Variants in MAGI2 observed in about 807,000 individuals in gnomAD.
MAGI2 encodes the protein membrane-associated guanylate kinase, WW and PDZ domain-containing protein 2.
In MAGI2, 35 loss-of-function variants were observed where a neutral mutation model predicts 133.3. The observed-to-expected ratio is 0.26, with a 90% CI of 0.20 to 0.35. The LOEUF (loss-of-function observed/expected upper bound fraction) is 0.35. MAGI2 is among the 10% of genes least tolerant of loss of function. MAGI2 has a pLI of 1.00. For synonymous variants in MAGI2, 729 were observed against 710.6 expected (o/e 1.03, Z -0.41); for missense variants, 1,636 against 1,863.4 (o/e 0.88, Z 2.25).
intron 6 of MAGI2, among the ~76,000 whole-genome samples, chr7:78,469,542 G>A (rs1790976389): frequency 6.6e-6 from 1 of 152,086 alleles, no homozygotes; most frequent in African/African-American, 2.4e-5. Context: ...TTCTCTCTTT[G>A]GGATTAGCCC....
intron 1 of MAGI2, among the ~76,000 whole-genome samples, chr7:79,201,747 G>A (rs1020494895): frequency 6.6e-6 from 1 of 151,782 alleles, no homozygotes; most frequent in Non-Finnish European, 1.5e-5. Context: ...GGAAAATGAG[G>A]TTTTACTATT....
intron 21 of MAGI2, among the ~76,000 whole-genome samples, chr7:78,029,337 A>G (rs1046120944): frequency 2.6e-5 from 4 of 152,238 alleles, no homozygotes; most frequent in Non-Finnish European, 4.4e-5. Context: ...TAGAGAATCT[A>G]TGAGAAATGT....
intron 1 of MAGI2, among the ~76,000 whole-genome samples, chr7:79,016,270 A>G (rs1341134070): frequency 6.6e-6 from 1 of 152,052 alleles, no homozygotes. Context: ...AAACTGTTGG[A>G]CCTGAACATT....
chr7:78,201,319 T>C (rs956724482), intron 10 of MAGI2, 126 bp from the exon 11 acceptor site: 13 of 496,280 alleles, frequency 2.6e-5, no homozygotes, highest in Non-Finnish European at 3.9e-5. Context: ...CAAAAACTTC[T>C]GCCTGGCTGT....
intron 2 of MAGI2, among the ~76,000 whole-genome samples, chr7:78,766,143 T>C (rs886472): frequency 0.88 from 134,182 of 152,214 alleles, 59,224 homozygotes; most frequent in East Asian, 1. Context: ...CAGAGAAAGC[T>C]CTCATCCCTG....
intron 21 of MAGI2, among the ~76,000 whole-genome samples, chr7:78,029,234 C>T (rs1302257419): frequency 1.3e-5 from 2 of 152,130 alleles, no homozygotes; most frequent in Non-Finnish European, 2.9e-5. Context: ...GGTTAGGAAA[C>T]TCAGGTCTAT....
chr7:78,666,915 C>T (rs187831812), intron 2 of MAGI2, among the ~76,000 whole-genome samples: 81 of 152,212 alleles, frequency 5.3e-4, no homozygotes, highest in Admixed American at 1.4e-3. Context: ...CACTGGATTG[C>T]CATTCTTTAT....
chr7:78,410,860 A>AAT (rs1165742381), intron 6 of MAGI2, among the ~76,000 whole-genome samples: 2 of 151,998 alleles, frequency 1.3e-5, no homozygotes, highest in African/African-American at 2.4e-5. Flanking sequence ...AAGGGAATAT[A>AAT]ATATATATAA....
At chr7:79,387,013 G>A (rs199898704) in intron 1 of MAGI2, among the ~76,000 whole-genome samples, 2 of 40,302 alleles carry the variant, frequency 5.0e-5, no homozygotes, top group East Asian at 1.1e-3. Flanking sequence ...ACACACACAC[G>A]TTATATATAA....
chr7:78,945,407 T>C (rs1305972894), intron 2 of MAGI2, among the ~76,000 whole-genome samples: 1 of 152,156 alleles, frequency 6.6e-6, no homozygotes, highest in East Asian at 1.9e-4. Context: ...TCTTATAATG[T>C]ACAAAATAAT....
At chr7:79,166,480 CT>C (rs2129548161) in intron 1 of MAGI2, among the ~76,000 whole-genome samples, 1 of 152,206 alleles carries the variant, frequency 6.6e-6, no homozygotes, top group African/African-American at 2.4e-5. Context: ...TGATTTCAGC[CT>C]GATGAGACCC....
chr7:79,021,983 G>A (rs117699017), intron 1 of MAGI2, among the ~76,000 whole-genome samples: 211 of 152,202 alleles, frequency 1.4e-3, no homozygotes, highest in Middle Eastern at 3.4e-3. Context: ...AAGATCTGAT[G>A]GCTTCATAAG....
chr7:78,596,209 A>G (rs1563219744), intron 3 of MAGI2, among the ~76,000 whole-genome samples: 1 of 102,980 alleles, frequency 9.7e-6, no homozygotes, highest in Non-Finnish European at 2.2e-5. Flanking sequence ...GGAAGGAATG[A>G]AGGAAGGGAG....
At chr7:78,249,144 A>T (rs1168337353) in intron 10 of MAGI2, among the ~76,000 whole-genome samples, 1 of 152,182 alleles carries the variant, frequency 6.6e-6, no homozygotes, top group Non-Finnish European at 1.5e-5. Context: ...AGGGAAATAC[A>T]AATCAAAACC....
At chr7:78,924,120 T>C (rs1280781938) in intron 2 of MAGI2, among the ~76,000 whole-genome samples, 2 of 152,174 alleles carry the variant, frequency 1.3e-5, no homozygotes, top group Admixed American at 6.5e-5. Flanking sequence ...TTTCTAGATA[T>C]ACAATCATGT....
In MAGI2 at chr7:78,438,273, CA is replaced by C. The variant is rs5885062; in HGVS notation, c.1045+51487del. Among the ~76,000 whole-genome samples the C allele has an allele frequency of 3.3e-4, 49 of 148,274 alleles. 1 individual carries two copies. The highest frequency in any genetic ancestry group is 7.7e-4 in the African/African-American group (31 of 40,370). On this transcript the variant is annotated intron_variant, in intron 6 of 21. Transcript: ENST00000354212. ...TAAAAGTGAACCCATGTCATAAGTA[CA>C]AAAAAAAAAAATCCTGAGCCCATTA...
intron 2 of MAGI2, among the ~76,000 whole-genome samples, chr7:78,982,129 A>C (rs1167481248): frequency 6.6e-6 from 1 of 151,866 alleles, no homozygotes. Context: ...GCTGCTATAT[A>C]AGCTTAGGTG....
chr7:79,391,329 A>T (rs1844589059), intron 1 of MAGI2, among the ~76,000 whole-genome samples: 1 of 151,666 alleles, frequency 6.6e-6, no homozygotes, highest in Admixed American at 6.6e-5. Flanking sequence ...AATAACAAAG[A>T]TTCAAAACAA....
chr7:78,853,247 T>A (rs1393253154), intron 2 of MAGI2, among the ~76,000 whole-genome samples: 5 of 147,554 alleles, frequency 3.4e-5, no homozygotes, highest in African/African-American at 1.2e-4. Flanking sequence ...GATCTGGAAC[T>A]ATATAGGAGG....
Sources: gnomAD v4.1 joint callset for allele counts (sites outside exome capture counted in the v4.1 genomes callset) on GRCh38, gnomAD v4.1.1 for gene constraint, MANE v1.5 for transcripts, NCBI Gene and HGNC (gene_info 2026-07-23, HGNC 2026-07-21) for gene names.